ANO3: variants seen among roughly 807,000 people sequenced by gnomAD.
ANO3 encodes anoctamin 3.
A neutral mutation model predicts 144.8 loss-of-function variants in ANO3; 99 were observed. That is an observed-to-expected ratio of 0.68 (90% CI 0.58 to 0.81). ANO3 has a LOEUF of 0.81. Among genes scored for constraint, ANO3 ranks in the 30% least tolerant of loss-of-function variants. ANO3 has a pLI of 0.00. For synonymous variants in ANO3, 414 were observed against 392.6 expected (o/e 1.05, Z -0.64); for missense variants, 905 against 1,202.2 (o/e 0.75, Z 3.66).
In ANO3 at chr11:26,441,953, A is replaced by T. The variant is rs1472563391; in HGVS notation, c.82A>T (p.Thr28Ser). Reference protein sequence around the residue: ...NISKSEITKETSLKPSRRSLP... With the variant: ...NISKSEITKESSLKPSRRSLP... ...AAGCAAGAGTGAGATAACAAAAGAA[A>T]CTTCGTTAAAACCGTCTCGGAGATC... Residue 28 changes from threonine to serine, a missense_variant, in exon 2 of 27, where the codon ACT becomes TCT. Thr to Ser is a moderately conservative substitution (Grantham distance 58). This residue lies in a region of ANO3 where 174 missense variants were observed against 171.9 expected (regional missense o/e 1.01). Transcript: ENST00000256737. The T allele has an allele frequency of 6.2e-7, 1 of 1,613,588 alleles. No homozygotes were observed. Among genetic ancestry groups the T allele is most frequent in the African/African-American group, 1.3e-5 (1 of 74,862 alleles).
chr11:26,355,762 GT>G (rs1178002526), intron 1 of ANO3, among the ~76,000 whole-genome samples: 5 of 152,002 alleles, frequency 3.3e-5, no homozygotes, highest in Non-Finnish European at 7.4e-5. Context: ...GTTTCACCAT[GT>G]TGACCAGCCT....
intron 3 of ANO3, among the ~76,000 whole-genome samples, chr11:26,460,558 T>G (rs553096863): frequency 1.2e-3 from 182 of 152,066 alleles, no homozygotes; most frequent in African/African-American, 4.3e-3. Flanking sequence ...TAGTCAGCGC[T>G]GTAGGGTAGG....
chr11:26,628,806 G>A (rs774233863), intron 18 of ANO3, among the ~76,000 whole-genome samples: 1 of 152,102 alleles, frequency 6.6e-6, no homozygotes, highest in Non-Finnish European at 1.5e-5. Context: ...GTGTAAGAGG[G>A]CCTCTTCAAT....
chr11:26,270,354 T>C (rs774089860), intron 1 of ANO3, among the ~76,000 whole-genome samples: 3 of 152,164 alleles, frequency 2.0e-5, no homozygotes, highest in Non-Finnish European at 4.4e-5. Flanking sequence ...AATTACTCTA[T>C]TGAAAAAATC....
At chr11:26,207,544 C>T (rs375454020) in intron 1 of ANO3, among the ~76,000 whole-genome samples, 5 of 152,040 alleles carry the variant, frequency 3.3e-5, no homozygotes, top group East Asian at 1.9e-4. Context: ...TTATTCAGTA[C>T]GAGGTACTAT....
At chr11:26,617,816 C>T (rs1401615142) in intron 17 of ANO3, among the ~76,000 whole-genome samples, 2 of 152,150 alleles carry the variant, frequency 1.3e-5, no homozygotes, top group Non-Finnish European at 2.9e-5. Context: ...TAACAATGCT[C>T]TTCTGAATTT....
intron 1 of ANO3, among the ~76,000 whole-genome samples, chr11:26,290,263 T>C (rs1307053412): frequency 6.6e-6 from 1 of 152,166 alleles, no homozygotes; most frequent in African/African-American, 2.4e-5. Context: ...GATATCCCCT[T>C]TATCATTTTT....
At chr11:26,585,409 T>C (rs543214004) in intron 14 of ANO3, among the ~76,000 whole-genome samples, 26 of 152,334 alleles carry the variant, frequency 1.7e-4, no homozygotes, top group African/African-American at 6.0e-4. Flanking sequence ...TTTCATTTTA[T>C]ACACTTTCAT....
chr11:26,470,713 G>A (rs1236986794), intron 4 of ANO3, among the ~76,000 whole-genome samples: 1 of 151,680 alleles, frequency 6.6e-6, no homozygotes, highest in Non-Finnish European at 1.5e-5. Flanking sequence ...GTTTTCATGG[G>A]GAAAATATTT....
chr11:26,509,304 C>T (rs1861559923), intron 5 of ANO3, among the ~76,000 whole-genome samples: 1 of 151,748 alleles, frequency 6.6e-6, no homozygotes, highest in Non-Finnish European at 1.5e-5. Context: ...ACACCTAAAC[C>T]TAAGTTACTT....
intron 21 of ANO3, among the ~76,000 whole-genome samples, chr11:26,640,139 A>T (rs984099130): frequency 1.6e-4 from 25 of 152,182 alleles, no homozygotes; most frequent in African/African-American, 6.0e-4. Flanking sequence ...AGGCAGCCTT[A>T]GAGTATAGGC....
At chr11:26,249,787 AAGAAAGAAAGAAAG>A (rs1254416477) in intron 1 of ANO3, among the ~76,000 whole-genome samples, 5 of 152,144 alleles carry the variant, frequency 3.3e-5, no homozygotes, top group African/African-American at 1.2e-4. Context: ...ACAAAAAAGA[AAGAAAGAAAGAAAG>A]AGAAAGAAAG....
intron 1 of ANO3, among the ~76,000 whole-genome samples, chr11:26,364,980 T>C (rs898983667): frequency 2.0e-5 from 3 of 152,146 alleles, no homozygotes; most frequent in African/African-American, 7.2e-5. Flanking sequence ...ACCTGGAAAT[T>C]ACTTAATTTC....
At chr11:26,329,538 T>G (rs1297489229), upstream of ANO3, among the ~76,000 whole-genome samples, 1 of 152,178 alleles carries the variant, frequency 6.6e-6, no homozygotes, top group Non-Finnish European at 1.5e-5. Context: ...TTAAGAAAAG[T>G]AATTAACTTT....
chr11:26,424,271 A>G (rs1857853027), intron 1 of ANO3, among the ~76,000 whole-genome samples: 1 of 148,906 alleles, frequency 6.7e-6, no homozygotes, highest in Non-Finnish European at 1.5e-5. Context: ...ACACACATAC[A>G]CATAAACACA....
chr11:26,502,530 G>A, intron 4 of ANO3, among the ~76,000 whole-genome samples: 1 of 152,082 alleles, frequency 6.6e-6, no homozygotes, highest in Non-Finnish European at 1.5e-5. Flanking sequence ...ATCACCTACT[G>A]ATTAATGACA....
intron 24 of ANO3, among the ~76,000 whole-genome samples, chr11:26,651,238 A>T (rs1853522022): frequency 6.6e-6 from 1 of 152,220 alleles, no homozygotes; most frequent in South Asian, 2.1e-4. Context: ...AATGCAAGTT[A>T]GACTTAGGGA....
chr11:26,378,369 T>C (rs1856473187), intron 1 of ANO3, among the ~76,000 whole-genome samples: 1 of 147,146 alleles, frequency 6.8e-6, no homozygotes, highest in African/African-American at 2.5e-5. Flanking sequence ...ATCTATATAT[T>C]ATCTATATAT....
Position 26,553,292 on chromosome 11 carries a change from T to G in ANO3, c.1333T>G (p.Cys445Gly). ...KATEVFMCPL[C>G]DKNCSLQRLN... ...CACTGAAGTCTTTATGTGCCCTCTC[T>G]GTGACAAGAACTGCTCCCTGCAGAG... The change falls in exon 13 of 27, where the codon TGT (cysteine) becomes GGT (glycine). Residue 445 changes from cysteine (C) to glycine (G), a missense_variant. Physicochemically the swap from Cys to Gly is radical, Grantham distance 159. This residue lies in a region of ANO3 where 597 missense variants were observed against 865.1 expected (regional missense o/e 0.69). Transcript: ENST00000256737. 1 of 1,608,710 alleles carries G rather than the reference T, an allele frequency of 6.2e-7. No homozygotes were observed.
Sources: allele counts gnomAD v4.1 joint callset (sites outside exome capture counted in the v4.1 genomes callset), GRCh38; gene constraint gnomAD v4.1.1; regional missense constraint gnomAD v4.1.1; transcripts MANE v1.5; gene names NCBI Gene and HGNC (gene_info 2026-07-23, HGNC 2026-07-21).